The following PKD2 variants were observed in gnomAD, a reference collection of about 807,000 sequenced individuals.
PKD2 encodes the protein polycystin 2, transient receptor potential cation channel, also known as polycystin-2.
Under a neutral mutation model 105.9 loss-of-function variants are expected in PKD2, and 48 were observed. The observed-to-expected ratio is 0.45, with a 90% CI of 0.36 to 0.58. The LOEUF (loss-of-function observed/expected upper bound fraction) is 0.58, where lower values mean the gene tolerates loss of function less well. Ranked by LOEUF, PKD2 falls within the 20% of genes least tolerant of loss-of-function variation. The pLI, the probability that PKD2 is intolerant of heterozygous loss-of-function variation, is 0.00. For missense variants in PKD2, 1,078 were observed against 1,255.3 expected (o/e 0.86, Z 2.13); for synonymous variants, 464 against 481.1 (o/e 0.96, Z 0.46).
At chr4:88,058,268 T>C (rs1199595139) in intron 9 of PKD2, among the ~76,000 whole-genome samples, 165 bp downstream of exon 9, 1 of 152,230 alleles carries the variant, frequency 6.6e-6, no homozygotes, top group Non-Finnish European at 1.5e-5. Flanking sequence ...ATTCACAGTT[T>C]TGAGACTCAT....
At chr4:88,042,139 C>T (rs762999738) in intron 4 of PKD2, among the ~76,000 whole-genome samples, 2 of 152,216 alleles carry the variant, frequency 1.3e-5, no homozygotes, top group Non-Finnish European at 2.9e-5. Flanking sequence ...TTAGTCTGGT[C>T]TCATGCTGCT....
At chr4:88,008,719 A>C (rs1357671198) in intron 1 of PKD2, among the ~76,000 whole-genome samples, 1 of 152,158 alleles carries the variant, frequency 6.6e-6, no homozygotes, top group Non-Finnish European at 1.5e-5. Context: ...CAATGTCACA[A>C]AATCTAAAGG....
chr4:88,026,559 T>C (rs1726964312), intron 2 of PKD2, among the ~76,000 whole-genome samples: 1 of 152,138 alleles, frequency 6.6e-6, no homozygotes, highest in Non-Finnish European at 1.5e-5. Context: ...AGCCTGACCA[T>C]GTGGTAGAAA....
chr4:88,045,353 G>A (rs1727728447), intron 5 of PKD2, among the ~76,000 whole-genome samples: 1 of 152,116 alleles, frequency 6.6e-6, no homozygotes, highest in Non-Finnish European at 1.5e-5. Context: ...ACATCAAATA[G>A]GAAAGAAAGA....
chr4:88,035,462 G>A (rs1039423102), intron 2 of PKD2, among the ~76,000 whole-genome samples: 4 of 152,196 alleles, frequency 2.6e-5, no homozygotes, highest in African/African-American at 9.7e-5. Flanking sequence ...CCAACAAGGG[G>A]AAGTGATGCA....
At chr4:88,050,328 A>C (rs758235988) in intron 6 of PKD2, among the ~76,000 whole-genome samples, 2 of 152,114 alleles carry the variant, frequency 1.3e-5, no homozygotes, top group Non-Finnish European at 2.9e-5. Context: ...TGTACTTGCC[A>C]CTGTTCTAGG....
chr4:88,027,993 A>G (rs190763074), intron 2 of PKD2, among the ~76,000 whole-genome samples: 1 of 152,346 alleles, frequency 6.6e-6, no homozygotes, highest in East Asian at 1.9e-4. Flanking sequence ...TCTTTATAGC[A>G]GTATGAAAAT....
chr4:88,043,868 C>G (rs1727670631), intron 5 of PKD2, among the ~76,000 whole-genome samples: 1 of 152,188 alleles, frequency 6.6e-6, no homozygotes, highest in South Asian at 2.1e-4. Context: ...TATTAGCACA[C>G]AAGCACAGTA....
At chr4:88,048,620 A>G (rs1727861027) in intron 6 of PKD2, among the ~76,000 whole-genome samples, 1 of 152,212 alleles carries the variant, frequency 6.6e-6, no homozygotes, top group Admixed American at 6.5e-5. Flanking sequence ...CTCTCAAGCC[A>G]TGGATATGTG....
At chr4:88,048,065 C>T (rs149775166) in intron 6 of PKD2, among the ~76,000 whole-genome samples, 28 of 152,306 alleles carry the variant, frequency 1.8e-4, no homozygotes, top group African/African-American at 6.3e-4. Context: ...TAACATTTCG[C>T]TAAGTCCAGT....
chr4:88,032,580 G>A (rs1416758817), intron 2 of PKD2, among the ~76,000 whole-genome samples: 1 of 152,184 alleles, frequency 6.6e-6, no homozygotes, highest in African/African-American at 2.4e-5. Context: ...ACAGATGTAT[G>A]TGTCCTTTAT....
intron 7 of PKD2, among the ~76,000 whole-genome samples, chr4:88,052,481 G>A (rs1011888128): frequency 4.6e-5 from 7 of 152,040 alleles, no homozygotes; most frequent in Non-Finnish European, 1.0e-4. Context: ...TGTTGCCCAG[G>A]CTGGTTTTGA....
intron 6 of PKD2, among the ~76,000 whole-genome samples, chr4:88,050,820 A>G (rs1360942757): frequency 1.3e-5 from 2 of 152,012 alleles, no homozygotes; most frequent in Non-Finnish European, 2.9e-5. Context: ...TCCTTCACAG[A>G]GAAGGAAGGA....
chr4:88,037,796 C>A (rs1349752576), intron 3 of PKD2, among the ~76,000 whole-genome samples: 1 of 152,204 alleles, frequency 6.6e-6, no homozygotes, highest in African/African-American at 2.4e-5. Context: ...GTTCACCATA[C>A]AGCAAAATAG....
intron 2 of PKD2, among the ~76,000 whole-genome samples, chr4:88,021,632 A>G (rs925898825): frequency 2.6e-5 from 4 of 152,224 alleles, no homozygotes; most frequent in African/African-American, 9.6e-5. Flanking sequence ...TGATTGAACA[A>G]GAGTCCCAGG....
intron 6 of PKD2, among the ~76,000 whole-genome samples, chr4:88,047,120 A>G (rs908742234): frequency 6.6e-5 from 10 of 152,196 alleles, no homozygotes; most frequent in Admixed American, 6.5e-4. Flanking sequence ...AGTAATTCAT[A>G]TTTGGCTTTA....
intron 12 of PKD2, among the ~76,000 whole-genome samples, chr4:88,066,455 G>GGGTTC (rs1720801954): frequency 6.7e-6 from 1 of 150,098 alleles, no homozygotes; most frequent in African/African-American, 2.5e-5. Flanking sequence ...TCCACCTCCC[G>GGGTTC]GGTTCAAGCG....
At chr4:88,017,572 G>A (rs930266947) in intron 1 of PKD2, among the ~76,000 whole-genome samples, 2 of 151,984 alleles carry the variant, frequency 1.3e-5, no homozygotes, top group African/African-American at 4.8e-5. Context: ...ACCACACCTG[G>A]CTAAGTTTTG....
At chr4:88,069,373 CT>C (rs1720927236) in intron 13 of PKD2, among the ~76,000 whole-genome samples, 1 of 151,676 alleles carries the variant, frequency 6.6e-6, no homozygotes, top group Non-Finnish European at 1.5e-5. Flanking sequence ...TCTTTCACTG[CT>C]TTCTTGTACA....
Sources: allele counts gnomAD v4.1 joint callset (sites outside exome capture counted in the v4.1 genomes callset), GRCh38; gene constraint gnomAD v4.1.1; transcripts MANE v1.5; gene names NCBI Gene and HGNC (gene_info 2026-07-23, HGNC 2026-07-21).